AR: variants seen among roughly 807,000 people sequenced by gnomAD.
AR encodes androgen receptor.
AR carries 8 observed loss-of-function variants against 53.9 expected under a neutral mutation model. The observed-to-expected ratio is 0.15, with a 90% CI of 0.09 to 0.27. The LOEUF (loss-of-function observed/expected upper bound fraction) is 0.27. Ranked by LOEUF, AR falls within the 10% of genes least tolerant of loss-of-function variation. AR has a pLI of 1.00. For missense variants in AR, 639 were observed against 742.5 expected (o/e 0.86, Z 1.62); for synonymous variants, 359 against 316.4 (o/e 1.13, Z -1.43).
rs202004826 is a variant in AR at position 67,663,145 on chromosome X, G to A, written c.1768+19738G>A. ...TTACATTTAAGGTTAATATTGTTAT[G>A]TGTGAATTTGATCCTGTCATTATGA... is the stretch of plus-strand genomic sequence containing the variant. On this transcript the variant is annotated intron_variant, in intron 2 of 7. Coordinates refer to ENST00000374690, the MANE Select transcript of AR (RefSeq NM_000044.6). Among the ~76,000 whole-genome samples, 224 of 111,537 alleles carry A rather than the reference G, an allele frequency of 2.0e-3. No individual in the cohort carries two copies. The East Asian group carries it at 0.032, about 16-fold the overall frequency.
chrX:67,685,945 A>G, intron 2 of AR, 65 bp from the exon 3 acceptor site: 1 of 1,201,863 alleles, frequency 8.3e-7, no homozygotes, highest in Non-Finnish European at 1.1e-6. Flanking sequence ...TTCTAGAAAT[A>G]CCCGAAGAAA....
intron 5 of AR, 73 bp downstream of exon 5, chrX:67,717,695 T>C: frequency 1.7e-6 from 2 of 1,167,676 alleles, no homozygotes; most frequent in Non-Finnish European, 2.3e-6. Context: ...GTGATGGTGA[T>C]GGGGTGACAG....
At chrX:67,695,512 T>C (rs2076015514) in intron 3 of AR, 1 of 754,031 alleles carries the variant, frequency 1.3e-6, no homozygotes, top group Admixed American at 8.6e-5. Flanking sequence ...AAGCCTCTCA[T>C]TCTTCTCCCA....
rs143972788 is a variant in AR, at chrX:67,661,584, C to T, written c.1768+18177C>T. Among the ~76,000 whole-genome samples, 28 of 109,398 alleles carry T rather than the reference C, an allele frequency of 2.6e-4. 1 individual carries two copies. The East Asian group carries it at 5.2e-3, about 20-fold the overall frequency. The allele number at this position is 109,398 out of a possible 115,157, so 95.0% of individuals were successfully genotyped here. On this transcript the variant is annotated intron_variant, in intron 2 of 7. Transcript: ENST00000374690. ...GAAGCCCACTTGATCATAGTGGATA[C>T]GCTTTTTGCTGGTATTTTATTGAGG... is the stretch of plus-strand genomic sequence containing the variant.
intron 2 of AR, chrX:67,680,733 G>A (rs1172815548): frequency 1.2e-5 from 4 of 330,611 alleles, no homozygotes; most frequent in South Asian, 1.0e-4. Context: ...TTTTCAGAAT[G>A]AACAAATTAA....
Position 67,729,054 on chromosome X carries a change from T to G in AR, c.*5213T>G, listed in dbSNP as rs1228133809. 2.3e-5 allele frequency: 4 copies of G among 174,260 alleles called. No homozygotes were observed. Among genetic ancestry groups the G allele is most frequent in the African/African-American group, 1.2e-4 (4 of 34,034 alleles). 14.4% of individuals were successfully genotyped at this position (174,260 alleles called of 1,213,427 possible). ...CCATCCTTGTGAGAGAAGGGCAGTT[T>G]CCTGCATTGGAACCTGGAGCAAGCG... On this transcript the variant is annotated 3_prime_UTR_variant, in exon 8 of 8. Coordinates refer to ENST00000374690, the MANE Select transcript of AR (RefSeq NM_000044.6).
chrX:67,710,083 C>CGTGT (rs760335443), intron 3 of AR, among the ~76,000 whole-genome samples: 5 of 106,459 alleles, frequency 4.7e-5, no homozygotes, highest in African/African-American at 1.4e-4. Flanking sequence ...TGTGAGTGTG[C>CGTGT]GTGTGTGTGT....
At chrX:67,574,081 G>C (rs1042266072) in intron 1 of AR, among the ~76,000 whole-genome samples, 2 of 111,669 alleles carry the variant, frequency 1.8e-5, no homozygotes, top group Non-Finnish European at 3.8e-5. Flanking sequence ...ACGGAAAATA[G>C]GAGTTGATAA....
At chrX:67,716,003 C>T (rs1014304775) in intron 4 of AR, among the ~76,000 whole-genome samples, 4 of 111,724 alleles carry the variant, frequency 3.6e-5, no homozygotes, top group Non-Finnish European at 7.5e-5. Flanking sequence ...TTATTGTAGA[C>T]GTAGCTTCTG....
intron 1 of AR, among the ~76,000 whole-genome samples, chrX:67,568,196 G>A (rs1450359838): frequency 9.0e-6 from 1 of 111,539 alleles, no homozygotes; most frequent in Non-Finnish European, 1.9e-5. Flanking sequence ...TTGTCAACTT[G>A]GTGAAAAGCA....
At chrX:67,561,282 G>A (rs188368076) in intron 1 of AR, among the ~76,000 whole-genome samples, 1 of 111,965 alleles carries the variant, frequency 8.9e-6, no homozygotes, top group Non-Finnish European at 1.9e-5. Flanking sequence ...ATAGTAGTAA[G>A]TAACTGCCAA....
At chrX:67,612,944 A>G (rs1302826358) in intron 1 of AR, among the ~76,000 whole-genome samples, 6 of 111,462 alleles carry the variant, frequency 5.4e-5, no homozygotes, top group African/African-American at 2.0e-4. Context: ...GACCACAAGC[A>G]TCTCTTTTTT....
chrX:67,643,425 T>C lies in AR; in HGVS notation c.1768+18T>C. The C allele has an allele frequency of 1.7e-6, 2 of 1,199,944 alleles. No homozygotes were observed. Among genetic ancestry groups the C allele is most frequent in the Non-Finnish European group, 2.2e-6 (2 of 888,948 alleles). ...CGCTGAAGGTAAAGGGTCTTGCACA[T>C]GCACTTCTCTTTCCCTTTCTCCTTT... On this transcript the variant is annotated intron_variant, in intron 2 of 7. Transcript: ENST00000374690.
intron 1 of AR, among the ~76,000 whole-genome samples, chrX:67,594,666 T>C (rs1434107671): frequency 8.9e-6 from 1 of 111,913 alleles, no homozygotes; most frequent in African/African-American, 3.3e-5. Context: ...AAAAACTCTC[T>C]GATGTGTGTG....
chrX:67,713,713 G>T (rs1156492166), intron 4 of AR, among the ~76,000 whole-genome samples: 1 of 112,019 alleles, frequency 8.9e-6, no homozygotes, highest in Non-Finnish European at 1.9e-5. Flanking sequence ...CAATAACCTA[G>T]TGCAAAACAC....
chrX:67,715,098 G>C (rs2076107864), intron 4 of AR, among the ~76,000 whole-genome samples: 1 of 111,354 alleles, frequency 9.0e-6, no homozygotes, highest in South Asian at 3.8e-4. Flanking sequence ...ATCCTTCCAT[G>C]TGCCTTCACA....
chrX:67,655,016 A>G (rs1017593980), intron 2 of AR, among the ~76,000 whole-genome samples: 8 of 105,954 alleles, frequency 7.6e-5, no homozygotes, highest in African/African-American at 1.7e-4. Context: ...CTATGGCAGT[A>G]TAGTGGTATT....
intron 1 of AR, among the ~76,000 whole-genome samples, chrX:67,568,608 A>G (rs1602160927): frequency 9.0e-6 from 1 of 111,123 alleles, no homozygotes. Context: ...CTTGGTTTTT[A>G]TTTTTCAGAG....
At chrX:67,631,173 C>A (rs956409786) in intron 1 of AR, among the ~76,000 whole-genome samples, 1 of 111,159 alleles carries the variant, frequency 9.0e-6, no homozygotes, top group Non-Finnish European at 1.9e-5. Flanking sequence ...TTTCCTGAAT[C>A]TGAATGTTGG....
Sources: allele counts gnomAD v4.1 joint callset (sites outside exome capture counted in the v4.1 genomes callset), GRCh38; gene constraint gnomAD v4.1.1; transcripts MANE v1.5; gene names NCBI Gene and HGNC (gene_info 2026-07-23, HGNC 2026-07-21).